The following CNBD1 variants were observed in gnomAD, a reference collection of about 807,000 sequenced individuals.
The protein encoded by CNBD1 is cyclic nucleotide-binding domain-containing protein 1.
A neutral mutation model predicts 54.4 loss-of-function variants in CNBD1; 71 were observed. The observed-to-expected ratio is 1.30, with a 90% CI of 1.08 to 1.59. The LOEUF (loss-of-function observed/expected upper bound fraction) is 1.59, where lower values mean the gene tolerates loss of function less well. CNBD1 is among the 40% of genes most tolerant of loss of function. The pLI is 0.00. For synonymous variants in CNBD1, 182 were observed against 170.7 expected, an observed-to-expected ratio of 1.07 and a Z score of -0.51; for missense variants, 659 against 518.0, an observed-to-expected ratio of 1.27 and a Z score of -2.64.
intron 7 of CNBD1, 41 bp downstream of exon 7, chr8:87,284,856 C>A (rs1304322742): frequency 7.1e-7 from 1 of 1,402,432 alleles, no homozygotes; most frequent in Non-Finnish European, 9.6e-7. Flanking sequence ...AAAAATTGGG[C>A]ATAAACTCAA....
At chr8:87,136,334 G>C (rs187971141) in intron 4 of CNBD1, among the ~76,000 whole-genome samples, 1 of 150,432 alleles carries the variant, frequency 6.6e-6, no homozygotes, top group African/African-American at 2.4e-5. Flanking sequence ...TATGAAATGT[G>C]GTATGATTCC....
At position 87,373,773 on chromosome 8, in the gene CNBD1, T is replaced by C. The variant is rs569004882; in HGVS notation, c.1304-8847T>C. On this transcript the variant is annotated intron_variant, in intron 10 of 10. Transcript: ENST00000518476. ...CCAAATGTTATATGAAGAAAAAGTG[T>C]ATTTTTAGGATAAGTTTATATAAAA... Among the ~76,000 whole-genome samples, 11 of 151,930 alleles carry C rather than the reference T, an allele frequency of 7.2e-5. No individual in the cohort carries two copies. In the South Asian group the frequency reaches 8.3e-4, roughly 11 times the overall value.
chr8:86,999,011 C>T (rs1808938257), intron 4 of CNBD1, among the ~76,000 whole-genome samples: 1 of 152,198 alleles, frequency 6.6e-6, no homozygotes. Context: ...TCTATGTGGA[C>T]TTTGGTCAAT....
At chr8:87,389,342 CT>C (rs1483109844) in intron 2 of CNBD1, among the ~76,000 whole-genome samples, 2 of 152,102 alleles carry the variant, frequency 1.3e-5, no homozygotes, top group African/African-American at 4.8e-5. Context: ...GATTGTGTAT[CT>C]AGAAAACCCC....
intron 4 of CNBD1, among the ~76,000 whole-genome samples, chr8:86,953,085 G>A (rs1427704288): frequency 6.6e-6 from 1 of 151,974 alleles, no homozygotes; most frequent in Non-Finnish European, 1.5e-5. Flanking sequence ...TTTTCTTTCT[G>A]AATAGCAATC....
chr8:87,377,142 T>G (rs1369852307), intron 10 of CNBD1, among the ~76,000 whole-genome samples: 1 of 149,824 alleles, frequency 6.7e-6, no homozygotes, highest in African/African-American at 2.4e-5. Flanking sequence ...ATTTATTTTT[T>G]TATGATTATT....
chr8:87,187,883 G>A (rs1369876251), intron 4 of CNBD1, among the ~76,000 whole-genome samples: 1 of 152,146 alleles, frequency 6.6e-6, no homozygotes, highest in African/African-American at 2.4e-5. Flanking sequence ...AATCTGCCCA[G>A]TAATTCCTCT....
At chr8:86,978,873 A>G (rs544373176) in intron 4 of CNBD1, among the ~76,000 whole-genome samples, 5 of 152,134 alleles carry the variant, frequency 3.3e-5, no homozygotes, top group Admixed American at 6.5e-5. Flanking sequence ...ATAACACTCA[A>G]TGTAGCAAAT....
chr8:86,963,943 C>T (rs1393289367), intron 4 of CNBD1, among the ~76,000 whole-genome samples: 1 of 152,168 alleles, frequency 6.6e-6, no homozygotes, highest in Non-Finnish European at 1.5e-5. Context: ...TCTACATTTG[C>T]AGCAGTTGAC....
chr8:87,040,039 C>T (rs1393119289), intron 4 of CNBD1, among the ~76,000 whole-genome samples: 1 of 151,496 alleles, frequency 6.6e-6, no homozygotes, highest in Non-Finnish European at 1.5e-5. Flanking sequence ...TCTTTGGTTC[C>T]AAAATAGTGA....
intron 4 of CNBD1, among the ~76,000 whole-genome samples, chr8:87,138,122 G>C (rs900300624): frequency 6.6e-6 from 1 of 152,124 alleles, no homozygotes; most frequent in African/African-American, 2.4e-5. Context: ...AGGCACAAAA[G>C]TCCTGTTTTT....
At chr8:87,311,886 C>T (rs1809273648) in intron 8 of CNBD1, among the ~76,000 whole-genome samples, 2 of 152,098 alleles carry the variant, frequency 1.3e-5, no homozygotes, top group East Asian at 1.9e-4. Context: ...TAAGTGGAAG[C>T]TAAACATTGG....
At chr8:87,308,698 T>C (rs1809205334) in intron 8 of CNBD1, among the ~76,000 whole-genome samples, 1 of 152,168 alleles carries the variant, frequency 6.6e-6, no homozygotes. Flanking sequence ...GTTCCTTTTA[T>C]GTAACTATAA....
At chr8:86,946,673 C>CT (rs1807476294) in intron 4 of CNBD1, among the ~76,000 whole-genome samples, 1 of 151,218 alleles carries the variant, frequency 6.6e-6, no homozygotes, top group African/African-American at 2.4e-5. Flanking sequence ...TCTTATGACT[C>CT]TATTGGGAAT....
intron 10 of CNBD1, among the ~76,000 whole-genome samples, chr8:87,361,483 T>C (rs1016138014): frequency 6.6e-6 from 1 of 151,710 alleles, no homozygotes; most frequent in Non-Finnish European, 1.5e-5. Flanking sequence ...CATTAATAGA[T>C]GAAAAAGCAA....
At chr8:86,952,971 A>C (rs902632764) in intron 4 of CNBD1, among the ~76,000 whole-genome samples, 5 of 152,232 alleles carry the variant, frequency 3.3e-5, no homozygotes, top group Non-Finnish European at 5.9e-5. Flanking sequence ...ATTAATTAAT[A>C]CATGGAATTA....
intron 5 of CNBD1, among the ~76,000 whole-genome samples, chr8:87,217,424 C>A (rs1814235590): frequency 6.6e-6 from 1 of 151,876 alleles, no homozygotes; most frequent in Admixed American, 6.6e-5. Flanking sequence ...TGTGGTATGA[C>A]TTAATATTAG....
intron 4 of CNBD1, among the ~76,000 whole-genome samples, chr8:87,118,798 A>G (rs534635017): frequency 3.2e-4 from 48 of 152,316 alleles, no homozygotes; most frequent in South Asian, 1.2e-3. Context: ...CACCTGGGAA[A>G]GGCACAATTA....
At chr8:87,221,140 C>A (rs1185178647) in intron 5 of CNBD1, among the ~76,000 whole-genome samples, 2 of 152,008 alleles carry the variant, frequency 1.3e-5, no homozygotes, top group African/African-American at 2.4e-5. Context: ...TTTTCTCATA[C>A]ATTATTTTGG....
Sources: gnomAD v4.1 joint callset for allele counts (sites outside exome capture counted in the v4.1 genomes callset) on GRCh38, gnomAD v4.1.1 for gene constraint, MANE v1.5 for transcripts, NCBI Gene and HGNC (gene_info 2026-07-23, HGNC 2026-07-21) for gene names.